GAB3: variants seen among roughly 807,000 people sequenced by gnomAD.
The protein encoded by GAB3 is GRB2 associated binding protein 3.
Under a neutral mutation model 40.4 loss-of-function variants are expected in GAB3, and 12 were observed. The ratio of observed to expected loss-of-function variants is 0.30; its 90% confidence interval spans 0.19 to 0.48. The LOEUF (loss-of-function observed/expected upper bound fraction) is 0.48. Among genes scored for constraint, GAB3 ranks in the 20% least tolerant of loss-of-function variants. The probability of loss-of-function intolerance (pLI) is 0.99; values close to 1 mark genes in which losing one functional copy is unlikely to be tolerated. For synonymous variants in GAB3, 154 were observed against 176.7 expected (o/e 0.87, Z 1.02); for missense variants, 381 against 461.9 (o/e 0.82, Z 1.61).
chrX:154,699,175 T>C, intron 6 of GAB3, 119 bp downstream of exon 6: 1 of 577,016 alleles, frequency 1.7e-6, no homozygotes, highest in South Asian at 2.7e-5. Context: ...TTCCTGACCT[T>C]ACACTTTCCG....
chrX:154,741,171 C>T (rs1557261183), intron 1 of GAB3, among the ~76,000 whole-genome samples: 1 of 111,915 alleles, frequency 8.9e-6, no homozygotes, highest in Non-Finnish European at 1.9e-5. Context: ...CTCTTGTCTG[C>T]TGCCATGTGA....
At chrX:154,724,215 C>G (rs1256652360) in intron 1 of GAB3, among the ~76,000 whole-genome samples, 1 of 109,939 alleles carries the variant, frequency 9.1e-6, no homozygotes, top group Non-Finnish European at 1.9e-5. Context: ...GGTGTGATGG[C>G]ACGCACCTGT....
chrX:154,728,176 G>T, intron 1 of GAB3, among the ~76,000 whole-genome samples: 3 of 112,051 alleles, frequency 2.7e-5, no homozygotes, highest in African/African-American at 9.7e-5. Flanking sequence ...TGCACAGGAG[G>T]GGTCAGCAAC....
At chrX:154,729,674 A>G (rs2071264902) in intron 1 of GAB3, among the ~76,000 whole-genome samples, 1 of 112,072 alleles carries the variant, frequency 8.9e-6, no homozygotes, top group Non-Finnish European at 1.9e-5. Flanking sequence ...TCAGGGCCTC[A>G]TGGAACAAGG....
At chrX:154,680,099 C>G (rs2070353208) in intron 9 of GAB3, 33 bp downstream of exon 9, 1 of 978,008 alleles carries the variant, frequency 1.0e-6, no homozygotes, top group Non-Finnish European at 1.5e-6. Context: ...GATGGAATCA[C>G]CTGGGAATTC....
intron 8 of GAB3, among the ~76,000 whole-genome samples, chrX:154,692,759 G>C (rs1018308821): frequency 8.9e-6 from 1 of 111,975 alleles, no homozygotes; most frequent in Middle Eastern, 4.6e-3. Flanking sequence ...CTGCACTCCA[G>C]CCTGGGCAAC....
intron 2 of GAB3, among the ~76,000 whole-genome samples, chrX:154,713,698 T>G (rs782190924): frequency 1.2e-5 from 1 of 86,710 alleles, no homozygotes; most frequent in Non-Finnish European, 2.2e-5. Context: ...TTTATGGCCC[T>G]CAGCAGCAGC....
intron 1 of GAB3, 84 bp downstream of exon 1, chrX:154,750,870 G>T: frequency 1.6e-6 from 1 of 621,096 alleles, no homozygotes; most frequent in Non-Finnish European, 1.9e-6. Flanking sequence ...TGGCGCGCCC[G>T]GAGCCCAGCG....
At chrX:154,732,944 A>G (rs1448549743) in intron 1 of GAB3, among the ~76,000 whole-genome samples, 2 of 111,950 alleles carry the variant, frequency 1.8e-5, no homozygotes, top group Non-Finnish European at 3.8e-5. Context: ...TTAAGACCCC[A>G]GAGGGCATCT....
chrX:154,698,794 T>C (rs1469271027), intron 6 of GAB3, among the ~76,000 whole-genome samples: 1 of 112,127 alleles, frequency 8.9e-6, no homozygotes, highest in Non-Finnish European at 1.9e-5. Flanking sequence ...CAAAATCCTC[T>C]TCTATCCCTG....
intron 7 of GAB3, 98 bp from the exon 8 acceptor site, chrX:154,696,117 C>T (rs1557250654): frequency 1.4e-5 from 6 of 428,545 alleles, no homozygotes; most frequent in Non-Finnish European, 2.0e-5. Context: ...TTCAGCCCTC[C>T]TCTTCCAGAC....
At chrX:154,747,720 T>C (rs2071549792) in intron 1 of GAB3, among the ~76,000 whole-genome samples, 1 of 111,944 alleles carries the variant, frequency 8.9e-6, no homozygotes, top group African/African-American at 3.3e-5. Flanking sequence ...GGAGGATCAC[T>C]TGAGCCCAAG....
At chrX:154,724,805 A>G (rs2071188826) in intron 1 of GAB3, among the ~76,000 whole-genome samples, 1 of 112,192 alleles carries the variant, frequency 8.9e-6, no homozygotes, top group African/African-American at 3.2e-5. Flanking sequence ...TTACATAGTT[A>G]ACAAACATCT....
At chrX:154,688,122 A>G (rs2148417685) in intron 8 of GAB3, among the ~76,000 whole-genome samples, 1 of 112,279 alleles carries the variant, frequency 8.9e-6, no homozygotes, top group African/African-American at 3.2e-5. Flanking sequence ...TAGACATAAC[A>G]ATCCATTAAG....
chrX:154,709,497 T>G (rs1174902200), intron 4 of GAB3, among the ~76,000 whole-genome samples: 30 of 109,231 alleles, frequency 2.7e-4, no homozygotes, highest in Non-Finnish European at 7.6e-5. Flanking sequence ...TTTTTGTATT[T>G]TTAGTAGAGA....
intron 1 of GAB3, among the ~76,000 whole-genome samples, chrX:154,746,052 C>CAA (rs201582710): frequency 1.6e-4 from 5 of 31,498 alleles, no homozygotes; most frequent in Admixed American, 7.7e-4. Context: ...AACTCCATCT[C>CAA]AAAAAAAAAA....
In GAB3 at chrX:154,750,852, G is replaced by T. The variant is rs1372210623; in HGVS notation, c.72+102C>A. 3.8e-5 allele frequency: 18 copies of T among 476,952 alleles called. No homozygotes were observed. The South Asian group carries it at 1.7e-3, about 44-fold the overall frequency. The allele number at this position is 476,952 out of a possible 1,213,427, so 39.3% of individuals were successfully genotyped here. A position where few individuals can be genotyped will look rare whatever the true frequency, so the allele number is the denominator to read the frequency against. On this transcript the variant is annotated intron_variant, in intron 1 of 9. Transcript: ENST00000424127. Reference sequence around the variant, plus strand: ...CCCGCAGTCCCGGGCGCTGGGAGCGGCTGCGCCTGGCGCGCCCGGAGCCCA... The same window carrying T: ...CCCGCAGTCCCGGGCGCTGGGAGCGTCTGCGCCTGGCGCGCCCGGAGCCCA...
chrX:154,695,875 T>C (rs1557250531), intron 8 of GAB3, 42 bp downstream of exon 8: 6 of 801,082 alleles, frequency 7.5e-6, no homozygotes, highest in Non-Finnish European at 9.4e-6. Flanking sequence ...AGACTACAGA[T>C]TGGGGTGAAG....
At chrX:154,751,471 G>A (rs1206382552), upstream of GAB3, 1 of 741,420 alleles carries the variant, frequency 1.3e-6, no homozygotes, top group Non-Finnish European at 1.6e-6. Flanking sequence ...AGGGACCCTG[G>A]AGCTGAAACC....
Sources: gnomAD v4.1 joint callset for allele counts (sites outside exome capture counted in the v4.1 genomes callset) on GRCh38, gnomAD v4.1.1 for gene constraint, MANE v1.5 for transcripts, NCBI Gene and HGNC (gene_info 2026-07-23, HGNC 2026-07-21) for gene names.